CACNA2D3: variants seen among roughly 807,000 people sequenced by gnomAD.
The protein encoded by CACNA2D3 is calcium voltage-gated channel auxiliary subunit alpha2delta 3.
Under a neutral mutation model 160.6 loss-of-function variants are expected in CACNA2D3, and 60 were observed. The ratio of observed to expected loss-of-function variants is 0.37; its 90% CI spans 0.30 to 0.46. The LOEUF is 0.46. Among genes scored for constraint, CACNA2D3 ranks in the 20% least tolerant of loss-of-function variants. CACNA2D3 has a pLI of 1.00. For synonymous variants in CACNA2D3, 558 were observed against 492.9 expected (o/e 1.13, Z -1.75); for missense variants, 1,205 against 1,365.0 (o/e 0.88, Z 1.85).
intron 35 of CACNA2D3, among the ~76,000 whole-genome samples, chr3:55,018,625 CTG>C (rs1016942134): frequency 1.8e-4 from 27 of 151,980 alleles, no homozygotes; most frequent in African/African-American, 6.5e-4. Context: ...GCAATTTGAA[CTG>C]TGTGTTCAAG....
chr3:54,753,172 G>A (rs1205460733), intron 12 of CACNA2D3, among the ~76,000 whole-genome samples: 1 of 152,122 alleles, frequency 6.6e-6, no homozygotes, highest in African/African-American at 2.4e-5. Context: ...CAAATTTTGA[G>A]GACATAGTCA....
At chr3:54,577,636 T>C (rs1702607667) in intron 8 of CACNA2D3, among the ~76,000 whole-genome samples, 1 of 131,386 alleles carries the variant, frequency 7.6e-6, no homozygotes, top group Admixed American at 7.6e-5. Context: ...ATATATATTT[T>C]CTTTCTTTTT....
At chr3:54,272,431 T>C (rs972582284) in intron 2 of CACNA2D3, among the ~76,000 whole-genome samples, 2 of 152,268 alleles carry the variant, frequency 1.3e-5, no homozygotes, top group Admixed American at 6.5e-5. Context: ...TGCATGTCTT[T>C]AGCATCAAAT....
chr3:54,584,105 C>G (rs1702721978), intron 9 of CACNA2D3, among the ~76,000 whole-genome samples: 1 of 151,860 alleles, frequency 6.6e-6, no homozygotes, highest in African/African-American at 2.4e-5. Context: ...AGAATGACTG[C>G]TAAGAGAAAA....
At chr3:54,796,476 G>A (rs1224854605) in intron 13 of CACNA2D3, among the ~76,000 whole-genome samples, 2 of 152,176 alleles carry the variant, frequency 1.3e-5, no homozygotes, top group Non-Finnish European at 2.9e-5. Flanking sequence ...GGCAACACAT[G>A]GCTTTGGTAG....
intron 3 of CACNA2D3, among the ~76,000 whole-genome samples, chr3:54,348,693 C>G (rs1698499132): frequency 6.6e-6 from 1 of 152,194 alleles, no homozygotes; most frequent in African/African-American, 2.4e-5. Context: ...AAGAGAGATG[C>G]TGTGTCAGAA....
At chr3:54,262,909 T>A (rs1702431524) in intron 2 of CACNA2D3, among the ~76,000 whole-genome samples, 1 of 152,226 alleles carries the variant, frequency 6.6e-6, no homozygotes, top group South Asian at 2.1e-4. Context: ...TTTTACTAAT[T>A]ATTTAAGTAA....
chr3:54,454,256 T>C (rs1700358526), intron 4 of CACNA2D3, among the ~76,000 whole-genome samples: 2 of 152,246 alleles, frequency 1.3e-5, no homozygotes, highest in South Asian at 2.1e-4. Context: ...TTCATACACT[T>C]TAAGTGTACA....
intron 27 of CACNA2D3, among the ~76,000 whole-genome samples, chr3:54,931,083 GAGA>G: frequency 6.6e-6 from 1 of 152,188 alleles, no homozygotes; most frequent in African/African-American, 2.4e-5. Context: ...GTGACAGAGT[GAGA>G]CTCCTTCTCA....
intron 2 of CACNA2D3, among the ~76,000 whole-genome samples, chr3:54,276,563 ACT>A (rs1702742763): frequency 7.9e-6 from 1 of 126,814 alleles, no homozygotes. Flanking sequence ...ACAGGGCAAG[ACT>A]CTGTCTCAAA....
chr3:54,659,986 T>C (rs1459532845), intron 11 of CACNA2D3, among the ~76,000 whole-genome samples: 1 of 152,080 alleles, frequency 6.6e-6, no homozygotes, highest in Non-Finnish European at 1.5e-5. Context: ...TTTAATGGCA[T>C]AGGCAGACAA....
chr3:54,218,271 C>T (rs894669674), intron 2 of CACNA2D3, among the ~76,000 whole-genome samples: 4 of 152,288 alleles, frequency 2.6e-5, no homozygotes, highest in Admixed American at 6.5e-5. Flanking sequence ...ATAAGGGTGG[C>T]GTGCAGGTGG....
intron 2 of CACNA2D3, among the ~76,000 whole-genome samples, chr3:54,281,945 C>A (rs1001841630): frequency 6.6e-6 from 1 of 152,172 alleles, no homozygotes; most frequent in Non-Finnish European, 1.5e-5. Flanking sequence ...GCAAAGTGTT[C>A]ATTGCTCCCT....
At position 54,356,705 on chromosome 3, in the gene CACNA2D3, A is replaced by T. The variant is rs923688820; in HGVS notation, c.322-30010A>T. On this transcript the variant is annotated intron_variant, in intron 3 of 37. Coordinates refer to ENST00000474759, the MANE Select transcript of CACNA2D3 (RefSeq NM_018398.3). ...GAATATCACTCTAAAAATACTGAACAATTTTTGTCAGTGCAGTTTATTGAA... is the reference window on the plus strand; with the variant it reads ...GAATATCACTCTAAAAATACTGAACTATTTTTGTCAGTGCAGTTTATTGAA... Among the ~76,000 whole-genome samples, 6 of 152,340 alleles carry T rather than the reference A, an allele frequency of 3.9e-5. No individual in the cohort carries two copies. The East Asian group carries it at 9.7e-4, about 25-fold the overall frequency.
intron 2 of CACNA2D3, among the ~76,000 whole-genome samples, chr3:54,131,105 A>G (rs1409005895): frequency 6.6e-6 from 1 of 152,244 alleles, no homozygotes; most frequent in Non-Finnish European, 1.5e-5. Flanking sequence ...CAATATACAA[A>G]TACAAGCTCT....
intron 13 of CACNA2D3, among the ~76,000 whole-genome samples, chr3:54,812,683 G>C (rs1703349704): frequency 6.6e-6 from 1 of 152,194 alleles, no homozygotes; most frequent in African/African-American, 2.4e-5. Flanking sequence ...AAGTCCTTTG[G>C]GGGTGTAGGT....
At chr3:54,490,363 G>A (rs1311729937) in intron 4 of CACNA2D3, among the ~76,000 whole-genome samples, 3 of 152,138 alleles carry the variant, frequency 2.0e-5, no homozygotes, top group Admixed American at 6.5e-5. Flanking sequence ...CTGGCTCTCC[G>A]GGCCATACCA....
chr3:55,051,829 C>T (rs796877820), intron 35 of CACNA2D3, among the ~76,000 whole-genome samples: 26 of 152,252 alleles, frequency 1.7e-4, no homozygotes, highest in African/African-American at 5.5e-4. Context: ...TTAAGCCCGT[C>T]GGAAAAGCGC....
chr3:55,052,553 C>T (rs1030171576), intron 35 of CACNA2D3, among the ~76,000 whole-genome samples: 2 of 151,890 alleles, frequency 1.3e-5, no homozygotes, highest in African/African-American at 4.8e-5. Flanking sequence ...ATGTATTCTA[C>T]TTTTTCTGTT....
Sources: gnomAD v4.1 joint callset for allele counts (sites outside exome capture counted in the v4.1 genomes callset) on GRCh38, gnomAD v4.1.1 for gene constraint, MANE v1.5 for transcripts, NCBI Gene and HGNC (gene_info 2026-07-23, HGNC 2026-07-21) for gene names.